NAALADL2: variants seen among roughly 807,000 people sequenced by gnomAD.
The protein encoded by NAALADL2 is N-acetylated alpha-linked acidic dipeptidase like 2, also known as inactive N-acetylated-alpha-linked acidic dipeptidase-like protein 2.
Under a neutral mutation model 87.2 loss-of-function variants are expected in NAALADL2, and 76 were observed. The observed-to-expected ratio is 0.87, with a 90% CI of 0.72 to 1.05. NAALADL2 has a LOEUF of 1.05. Among genes scored for constraint, NAALADL2 ranks in the 50% least tolerant of loss-of-function variants. The pLI is 0.00. For synonymous variants in NAALADL2, 354 were observed against 331.0 expected (o/e 1.07, Z -0.75); for missense variants, 1,089 against 945.8 (o/e 1.15, Z -1.99).
At chr3:174,868,109 T>G (rs1727375071) in intron 1 of NAALADL2, among the ~76,000 whole-genome samples, 1 of 152,086 alleles carries the variant, frequency 6.6e-6, no homozygotes, top group Admixed American at 6.6e-5. Context: ...CGGATGGCTG[T>G]GCATCTAATG....
intron 3 of NAALADL2, among the ~76,000 whole-genome samples, chr3:174,775,403 T>C (rs188495046): frequency 4.6e-5 from 7 of 152,254 alleles, no homozygotes; most frequent in Admixed American, 3.9e-4. Context: ...CAATATGCAG[T>C]CTTTGTTGGC....
At chr3:174,862,073 C>T (rs1726575012) in intron 1 of NAALADL2, among the ~76,000 whole-genome samples, 1 of 151,920 alleles carries the variant, frequency 6.6e-6, no homozygotes, top group Non-Finnish European at 1.5e-5. Flanking sequence ...TCATAATGTC[C>T]TCAGGATTCA....
chr3:174,541,016 A>G (rs1287210419), intron 1 of NAALADL2, among the ~76,000 whole-genome samples: 2 of 152,194 alleles, frequency 1.3e-5, no homozygotes, highest in Non-Finnish European at 2.9e-5. Context: ...TGTTTGGAAC[A>G]TATTAGATCT....
In NAALADL2 at chr3:175,022,029, T is replaced by C. The variant is rs572111873; in HGVS notation, c.44-74761T>C. ...TTACTCTATTAGTACAGGTGAGATC[T>C]GGTTGTTAAATAGAGCTTGGTACCT... On this transcript the variant is annotated intron_variant, in intron 1 of 13. Coordinates refer to ENST00000454872, the MANE Select transcript of NAALADL2 (RefSeq NM_207015.3). Among the ~76,000 whole-genome samples, 43 of 152,118 alleles carry C rather than the reference T, an allele frequency of 2.8e-4. No individual in the cohort carries two copies. In the East Asian group the frequency reaches 4.1e-3, roughly 14 times the overall value.
intron 11 of NAALADL2, among the ~76,000 whole-genome samples, chr3:175,630,902 A>T (rs1246033750): frequency 6.6e-6 from 1 of 151,690 alleles, no homozygotes; most frequent in Non-Finnish European, 1.5e-5. Context: ...AATTATTACT[A>T]GTATTATGTC....
Position 175,338,655 on chromosome 3 carries a change from ACACAC to A in NAALADL2, c.1090+14331_1090+14335del, listed in dbSNP as rs1560388939. On this transcript the variant is annotated intron_variant, in intron 5 of 13. Transcript: ENST00000454872. ...CACACACACACACACACACACACAC[ACACAC>A]ACAAACAAACAAAACACCAGGAACT... Among the ~76,000 whole-genome samples, 114 of 149,222 alleles carry A rather than the reference ACACAC, an allele frequency of 7.6e-4. 1 individual carries two copies. Among genetic ancestry groups the A allele is most frequent in the African/African-American group, 2.3e-3 (90 of 39,878 alleles).
chr3:175,397,967 T>C (rs1470826013), intron 5 of NAALADL2, among the ~76,000 whole-genome samples: 1 of 152,176 alleles, frequency 6.6e-6, no homozygotes, highest in Non-Finnish European at 1.5e-5. Flanking sequence ...GTTTTAGTCT[T>C]ATCTCTTGAT....
chr3:175,680,898 A>G (rs1412250372), intron 11 of NAALADL2, among the ~76,000 whole-genome samples: 1 of 152,130 alleles, frequency 6.6e-6, no homozygotes, highest in African/African-American at 2.4e-5. Context: ...GCGGATCAAG[A>G]GGTGCGGAGA....
intron 4 of NAALADL2, among the ~76,000 whole-genome samples, chr3:175,273,143 A>G (rs975062608): frequency 2.0e-5 from 3 of 152,104 alleles, no homozygotes; most frequent in Non-Finnish European, 4.4e-5. Flanking sequence ...ATTAGGTTTC[A>G]TGGAAGCAAC....
At chr3:174,726,134 G>C (rs1250443808) in intron 2 of NAALADL2, among the ~76,000 whole-genome samples, 1 of 152,120 alleles carries the variant, frequency 6.6e-6, no homozygotes, top group African/African-American at 2.4e-5. Context: ...GTCTCAGTCA[G>C]TGCTGTGCCA....
At position 175,057,121 on chromosome 3, in the gene NAALADL2, C is replaced by T. The variant is rs565214037; in HGVS notation, c.44-39669C>T. Among the ~76,000 whole-genome samples the T allele has an allele frequency of 2.0e-5, 3 of 152,246 alleles. No individual in the cohort carries two copies. The East Asian group carries it at 5.8e-4, about 29-fold the overall frequency. On this transcript the variant is annotated intron_variant, in intron 1 of 13. Coordinates refer to ENST00000454872, the MANE Select transcript of NAALADL2 (RefSeq NM_207015.3). ...AAGGTCACAGGAGACTGTTTCTTGG[C>T]AAGATGTTACTCATTCAATAATAAC...
At chr3:174,680,449 C>T (rs930501995) in intron 2 of NAALADL2, among the ~76,000 whole-genome samples, 2 of 152,146 alleles carry the variant, frequency 1.3e-5, no homozygotes, top group African/African-American at 4.8e-5. Context: ...CTTACTCCCA[C>T]ATAGAATGGC....
At chr3:175,237,108 G>A (rs747009688) in intron 3 of NAALADL2, among the ~76,000 whole-genome samples, 2 of 151,990 alleles carry the variant, frequency 1.3e-5, no homozygotes, top group Non-Finnish European at 2.9e-5. Context: ...TTACTAATAT[G>A]TAGAGAGGTT....
chr3:175,599,469 G>A (rs1355758864), intron 10 of NAALADL2, among the ~76,000 whole-genome samples: 2 of 152,094 alleles, frequency 1.3e-5, no homozygotes, highest in Non-Finnish European at 2.9e-5. Context: ...GGATGAATCT[G>A]AAGCCAGGTG....
At chr3:175,715,582 A>G (rs1326982280) in intron 11 of NAALADL2, among the ~76,000 whole-genome samples, 1 of 152,136 alleles carries the variant, frequency 6.6e-6, no homozygotes, top group Non-Finnish European at 1.5e-5. Context: ...TGACTATAAG[A>G]TGGACACTCA....
At chr3:175,211,562 G>A (rs116289077) in intron 2 of NAALADL2, among the ~76,000 whole-genome samples, 248 of 151,874 alleles carry the variant, frequency 1.6e-3, no homozygotes, top group African/African-American at 5.7e-3. Context: ...TGATATGTTG[G>A]CCATTCCTAC....
chr3:175,307,056 T>C (rs1341078571), intron 4 of NAALADL2, among the ~76,000 whole-genome samples: 3 of 152,212 alleles, frequency 2.0e-5, no homozygotes, highest in Non-Finnish European at 4.4e-5. Flanking sequence ...TAGTATACTC[T>C]TAATTCCTGT....
chr3:175,441,459 C>T (rs747062314), intron 5 of NAALADL2, among the ~76,000 whole-genome samples: 6 of 152,108 alleles, frequency 3.9e-5, no homozygotes, highest in South Asian at 2.1e-4. Context: ...GGGATGACTA[C>T]GTAATGATTT....
intron 3 of NAALADL2, among the ~76,000 whole-genome samples, chr3:174,738,531 T>C (rs1301035562): frequency 1.3e-5 from 2 of 152,138 alleles, no homozygotes; most frequent in African/African-American, 4.8e-5. Flanking sequence ...TAAAAGCTGG[T>C]AGGCCTACGG....
Sources: allele counts gnomAD v4.1 joint callset (sites outside exome capture counted in the v4.1 genomes callset), GRCh38; gene constraint gnomAD v4.1.1; transcripts MANE v1.5; gene names NCBI Gene and HGNC (gene_info 2026-07-23, HGNC 2026-07-21).